Variants in CTNNA2 observed in about 807,000 individuals in gnomAD.
The protein encoded by CTNNA2 is catenin alpha-2.
A neutral mutation model predicts 101.0 loss-of-function variants in CTNNA2; 42 were observed. That is an observed-to-expected ratio of 0.42 (90% CI 0.32 to 0.54). The LOEUF is 0.54. Among genes scored for constraint, CTNNA2 ranks in the 20% least tolerant of loss-of-function variants. CTNNA2 has a pLI of 0.14. For synonymous variants in CTNNA2, 450 were observed against 456.4 expected (o/e 0.99, Z 0.18); for missense variants, 871 against 1,223.1 (o/e 0.71, Z 4.29).
chr2:79,590,899 G>C (rs1410305186), intron 1 of CTNNA2, among the ~76,000 whole-genome samples: 1 of 152,132 alleles, frequency 6.6e-6, no homozygotes, highest in Non-Finnish European at 1.5e-5. Context: ...TTTCTTTTCA[G>C]ATGAAAACAG....
Position 79,979,449 on chromosome 2 carries a change from G to T in CTNNA2, c.1056+69652G>T, listed in dbSNP as rs373311138. On this transcript the variant is annotated intron_variant, in intron 7 of 18. Transcript: ENST00000402739. ...AGTATGAGATTTAGAACATCATTTC[G>T]GTGTCCCAGCACAGAACCCAACATT... Among the ~76,000 whole-genome samples, 9 of 152,132 alleles carry T rather than the reference G, an allele frequency of 5.9e-5. No individual in the cohort carries two copies. In the South Asian group the frequency reaches 1.7e-3, roughly 28 times the overall value.
At chr2:79,986,274 T>C (rs1415027208) in intron 7 of CTNNA2, among the ~76,000 whole-genome samples, 2 of 152,070 alleles carry the variant, frequency 1.3e-5, no homozygotes. Context: ...AAACAGACAT[T>C]CCCCAGTAGC....
chr2:80,388,823 A>G (rs953434410), intron 7 of CTNNA2, among the ~76,000 whole-genome samples: 4 of 152,184 alleles, frequency 2.6e-5, no homozygotes, highest in Admixed American at 2.6e-4. Context: ...AGGGTCAGGG[A>G]TGGAGAGCTA....
At chr2:79,228,724 T>C (rs1025049335) in intron 2 of CTNNA2, among the ~76,000 whole-genome samples, 6 of 152,136 alleles carry the variant, frequency 3.9e-5, no homozygotes, top group Non-Finnish European at 7.4e-5. Flanking sequence ...TTGATGCTTT[T>C]TTTTTTGCTG....
At chr2:79,486,391 A>G (rs576058276) in intron 4 of CTNNA2, among the ~76,000 whole-genome samples, 1 of 152,212 alleles carries the variant, frequency 6.6e-6, no homozygotes, top group South Asian at 2.1e-4. Flanking sequence ...ATGTCCCTAC[A>G]AAGGACATGA....
intron 2 of CTNNA2, among the ~76,000 whole-genome samples, chr2:79,295,671 T>C (rs1443039931): frequency 1.3e-5 from 2 of 152,030 alleles, no homozygotes; most frequent in South Asian, 2.1e-4. Context: ...AGCTGGTCAA[T>C]AGCTGGGGAA....
chr2:79,752,054 G>T (rs915045992), intron 3 of CTNNA2, among the ~76,000 whole-genome samples: 7 of 152,106 alleles, frequency 4.6e-5, no homozygotes, highest in Non-Finnish European at 1.0e-4. Flanking sequence ...GGAGTGACAG[G>T]GGCAGGGGAG....
intron 2 of CTNNA2, among the ~76,000 whole-genome samples, chr2:79,654,780 T>C (rs571590816): frequency 6.6e-6 from 1 of 151,760 alleles, no homozygotes; most frequent in African/African-American, 2.4e-5. Flanking sequence ...GTTAGTTCTA[T>C]AAAAATTTCT....
At chr2:80,046,075 T>C (rs1696502997) in intron 7 of CTNNA2, among the ~76,000 whole-genome samples, 1 of 152,228 alleles carries the variant, frequency 6.6e-6, no homozygotes, top group Admixed American at 6.5e-5. Context: ...GCAAGTAGAA[T>C]CTGCCCTTTC....
chr2:80,558,593 T>C (rs1193685695), intron 12 of CTNNA2, among the ~76,000 whole-genome samples: 1 of 152,168 alleles, frequency 6.6e-6, no homozygotes, highest in Non-Finnish European at 1.5e-5. Context: ...TGCATGTCCC[T>C]GATGCCAAAT....
At chr2:79,874,035 A>T (rs1682806353) in intron 5 of CTNNA2, 41 bp from the exon 6 acceptor site, 2 of 1,604,932 alleles carry the variant, frequency 1.2e-6, no homozygotes, top group African/African-American at 2.7e-5. Flanking sequence ...TTTCTATGCA[A>T]ATTTCATGTG....
At chr2:79,743,404 G>C (rs1385095156) in intron 2 of CTNNA2, among the ~76,000 whole-genome samples, 1 of 152,046 alleles carries the variant, frequency 6.6e-6, no homozygotes, top group Admixed American at 6.6e-5. Flanking sequence ...TCCAAATTAT[G>C]ATACTTAGAA....
chr2:79,295,031 G>A (rs1675945708), intron 2 of CTNNA2, among the ~76,000 whole-genome samples: 1 of 145,896 alleles, frequency 6.9e-6, no homozygotes, highest in Non-Finnish European at 1.5e-5. Context: ...GTATGCGTGT[G>A]TGTATTTGTG....
chr2:80,612,058 C>T (rs148183700), intron 17 of CTNNA2, among the ~76,000 whole-genome samples: 1 of 151,458 alleles, frequency 6.6e-6, no homozygotes. Context: ...GATTACTGAC[C>T]TATTCCTGAG....
In CTNNA2 at chr2:80,544,996, C is replaced by A; in HGVS notation, c.1305C>A (p.Ala435=). ...ANKLVEVANL[A]CSISNNEEGV... ...CTTCAATACAGGTTGCCAATTTGGCCTGTTCCATCTCCAACAATGAAGAAG... is the reference window on the plus strand; with the variant it reads ...CTTCAATACAGGTTGCCAATTTGGCATGTTCCATCTCCAACAATGAAGAAG... Residue 435 remains alanine, a synonymous_variant, in exon 10 of 19, where the codon GCC becomes GCA. Transcript: ENST00000402739. 6.2e-7 allele frequency: 1 copy of A among 1,613,994 alleles called. No homozygotes were observed. The highest frequency in any genetic ancestry group is 1.1e-5 in the South Asian group (1 of 91,066).
At chr2:80,022,221 G>T (rs973149985) in intron 7 of CTNNA2, among the ~76,000 whole-genome samples, 1 of 152,128 alleles carries the variant, frequency 6.6e-6, no homozygotes, top group Non-Finnish European at 1.5e-5. Context: ...CTTAGTCATC[G>T]TTTATTTATT....
intron 3 of CTNNA2, among the ~76,000 whole-genome samples, chr2:79,787,593 A>G (rs1251394945): frequency 5.3e-5 from 8 of 152,198 alleles, no homozygotes; most frequent in Admixed American, 5.2e-4. Flanking sequence ...TCAGAAGTTT[A>G]AAATCAGTTT....
Position 80,179,590 on chromosome 2 carries a change from G to T in CTNNA2, c.1057-213621G>T, listed in dbSNP as rs1237302534. The stretch of plus-strand genomic sequence containing the variant: ...GGATTTCACCGTGTTAGCCAGGATG[G>T]TCTAGATCTCCTGACCTCGTGATCC... On this transcript the variant is annotated intron_variant, in intron 7 of 18. Transcript: ENST00000402739. Among the ~76,000 whole-genome samples, 4 of 152,200 alleles carry T rather than the reference G, an allele frequency of 2.6e-5. No individual in the cohort carries two copies. In the East Asian group the frequency reaches 5.8e-4, roughly 22 times the overall value.
intron 12 of CTNNA2, among the ~76,000 whole-genome samples, chr2:80,557,348 G>A (rs115419527): frequency 3.9e-5 from 6 of 152,136 alleles, no homozygotes; most frequent in African/African-American, 1.4e-4. Flanking sequence ...TTATAAAAAG[G>A]TATTTTTTTC....
Sources: gnomAD v4.1 joint callset for allele counts (sites outside exome capture counted in the v4.1 genomes callset) on GRCh38, gnomAD v4.1.1 for gene constraint, MANE v1.5 for transcripts, NCBI Gene and HGNC (gene_info 2026-07-23, HGNC 2026-07-21) for gene names.